CYP7B1: variants seen among roughly 807,000 people sequenced by gnomAD.
The protein encoded by CYP7B1 is cytochrome P450 family 7 subfamily B member 1.
A neutral mutation model predicts 42.7 loss-of-function variants in CYP7B1; 29 were observed. The ratio of observed to expected loss-of-function variants is 0.68; its 90% CI spans 0.51 to 0.93. The LOEUF is 0.93. CYP7B1 is among the 40% of genes least tolerant of loss of function. CYP7B1 has a pLI of 0.00. For synonymous variants in CYP7B1, 235 were observed against 218.2 expected (o/e 1.08, Z -0.68); for missense variants, 655 against 600.5 (o/e 1.09, Z -0.95).
chr8:64,593,366 A>G lies in CYP7B1; in HGVS notation c.*3276T>C, dbSNP rs1245792348. ...GTGAACTAGAAAGAAACTGTGCTCC[A>G]CAGAGCAAAACTGTCAGTATATTTG... On this transcript the variant is annotated 3_prime_UTR_variant, in exon 6 of 6. Coordinates refer to ENST00000310193, the MANE Select transcript of CYP7B1 (RefSeq NM_004820.5). Among the ~76,000 whole-genome samples, 2 of 152,042 alleles carry G rather than the reference A, an allele frequency of 1.3e-5. No individual in the cohort carries two copies. The highest frequency in any genetic ancestry group is 4.8e-5 in the African/African-American group (2 of 41,390).
chr8:64,791,964 A>G (rs976674083), intron 1 of CYP7B1, among the ~76,000 whole-genome samples: 8 of 152,240 alleles, frequency 5.3e-5, no homozygotes, highest in Admixed American at 4.6e-4. Flanking sequence ...GGTATGGTAA[A>G]GAACATATCT....
chr8:64,781,954 G>A (rs1350858888), intron 1 of CYP7B1, among the ~76,000 whole-genome samples: 2 of 152,112 alleles, frequency 1.3e-5, no homozygotes, highest in Non-Finnish European at 2.9e-5. Flanking sequence ...TCTTGAACAT[G>A]AGTGAGGATA....
Position 64,762,578 on chromosome 8 carries a change from A to G in CYP7B1, c.122+35888T>C, listed in dbSNP as rs79505450. Among the ~76,000 whole-genome samples, 179 of 152,364 alleles carry G rather than the reference A, an allele frequency of 1.2e-3. 4 individuals are homozygous for G. The East Asian group carries it at 0.031, about 26-fold the overall frequency. On this transcript the variant is annotated intron_variant, in intron 1 of 5. Coordinates refer to ENST00000310193, the MANE Select transcript of CYP7B1 (RefSeq NM_004820.5). ...ATAATGCATTTGAAAACGTGGTTTCATAATGCAATGACCTGGGGCTACCAA... is the reference window on the plus strand; with the variant it reads ...ATAATGCATTTGAAAACGTGGTTTCGTAATGCAATGACCTGGGGCTACCAA...
chr8:64,696,718 T>C (rs1429536269), intron 1 of CYP7B1, among the ~76,000 whole-genome samples: 2 of 152,236 alleles, frequency 1.3e-5, no homozygotes, highest in Non-Finnish European at 2.9e-5. Context: ...CTTTGTGTCA[T>C]ATTGCTTACT....
chr8:64,659,775 C>T (rs1383167228), intron 1 of CYP7B1, among the ~76,000 whole-genome samples: 1 of 152,134 alleles, frequency 6.6e-6, no homozygotes, highest in Non-Finnish European at 1.5e-5. Context: ...AGAACAAACT[C>T]TGAGTTTCTG....
At chr8:64,769,548 G>A (rs999819964) in intron 1 of CYP7B1, among the ~76,000 whole-genome samples, 16 of 151,842 alleles carry the variant, frequency 1.1e-4, no homozygotes, top group East Asian at 5.8e-4. Flanking sequence ...TTTTTACCCC[G>A]TCCTAAGCCT....
At chr8:64,640,838 G>A (rs1487758182) in intron 1 of CYP7B1, among the ~76,000 whole-genome samples, 1 of 152,116 alleles carries the variant, frequency 6.6e-6, no homozygotes, top group African/African-American at 2.4e-5. Flanking sequence ...TCTGAAATCA[G>A]GTTTTTCTCT....
chr8:64,724,985 A>T (rs1420003232), intron 1 of CYP7B1, among the ~76,000 whole-genome samples: 1 of 152,196 alleles, frequency 6.6e-6, no homozygotes, highest in Non-Finnish European at 1.5e-5. Flanking sequence ...ACGTCATAAG[A>T]CCCTCATTCC....
intron 1 of CYP7B1, among the ~76,000 whole-genome samples, chr8:64,645,797 A>G (rs898284036): frequency 6.6e-6 from 1 of 152,176 alleles, no homozygotes; most frequent in Non-Finnish European, 1.5e-5. Context: ...ACTTCAAACT[A>G]TACTACAAGG....
intron 1 of CYP7B1, chr8:64,732,706 T>C (rs1357961222): frequency 6.6e-6 from 1 of 152,202 alleles, no homozygotes; most frequent in African/African-American, 2.4e-5. Flanking sequence ...CATCTTGATT[T>C]GTAATCCCAA....
chr8:64,792,085 T>C (rs941077647), intron 1 of CYP7B1, among the ~76,000 whole-genome samples: 1 of 152,080 alleles, frequency 6.6e-6, no homozygotes, highest in Non-Finnish European at 1.5e-5. Flanking sequence ...TATTGGAAAA[T>C]GGAGTAAAAG....
intron 1 of CYP7B1, among the ~76,000 whole-genome samples, chr8:64,744,988 T>C (rs746917132): frequency 2.5e-4 from 38 of 152,212 alleles, no homozygotes; most frequent in Non-Finnish European, 5.1e-4. Flanking sequence ...CAAATAATTA[T>C]TAAATATAAA....
intron 1 of CYP7B1, among the ~76,000 whole-genome samples, chr8:64,687,697 A>T (rs1012367071): frequency 6.6e-6 from 1 of 152,242 alleles, no homozygotes; most frequent in Non-Finnish European, 1.5e-5. Flanking sequence ...AATTATGTAA[A>T]CCTCAAAAAT....
intron 1 of CYP7B1, among the ~76,000 whole-genome samples, chr8:64,660,432 A>G (rs986589094): frequency 1.3e-5 from 2 of 152,220 alleles, no homozygotes; most frequent in African/African-American, 4.8e-5. Context: ...AGTATACACA[A>G]TGAATGAAAT....
At chr8:64,754,432 C>G (rs999802645) in intron 1 of CYP7B1, among the ~76,000 whole-genome samples, 7 of 152,128 alleles carry the variant, frequency 4.6e-5, no homozygotes, top group African/African-American at 1.4e-4. Flanking sequence ...CTTGCCCTAA[C>G]AGTAAGTTGA....
In CYP7B1 at chr8:64,763,194, G is replaced by T. The variant is rs368812123; in HGVS notation, c.122+35272C>A. 4.6e-5 allele frequency among the ~76,000 whole-genome samples: 7 copies of T among 152,292 alleles called. No homozygotes were observed. The East Asian group carries it at 1.4e-3, about 29-fold the overall frequency. On this transcript the variant is annotated intron_variant, in intron 1 of 5. Transcript: ENST00000310193. ...AAGGCGCCCATTGCTGCTCCTGATCGGGCTAAAGGCTCGCCATTGTTCCTG... is the reference window on the plus strand; with the variant it reads ...AAGGCGCCCATTGCTGCTCCTGATCTGGCTAAAGGCTCGCCATTGTTCCTG...
chr8:64,764,469 A>G (rs774032445), intron 1 of CYP7B1, among the ~76,000 whole-genome samples: 2 of 152,188 alleles, frequency 1.3e-5, no homozygotes, highest in African/African-American at 2.4e-5. Flanking sequence ...AGAAAAAACA[A>G]TGTGCCCTAT....
chr8:64,776,568 A>G (rs72656485), intron 1 of CYP7B1, among the ~76,000 whole-genome samples: 16,529 of 152,168 alleles, frequency 0.11, 1,158 homozygotes, highest in Non-Finnish European at 0.16. Flanking sequence ...GTTCCTTTTT[A>G]TAAGAAACTA....
intron 1 of CYP7B1, among the ~76,000 whole-genome samples, chr8:64,706,956 T>C (rs774828225): frequency 5.3e-5 from 8 of 151,996 alleles, no homozygotes; most frequent in South Asian, 2.1e-4. Context: ...GTCGTAACAA[T>C]TGAGCAATTC....
Sources: allele counts gnomAD v4.1 joint callset (sites outside exome capture counted in the v4.1 genomes callset), GRCh38; gene constraint gnomAD v4.1.1; transcripts MANE v1.5; gene names NCBI Gene and HGNC (gene_info 2026-07-23, HGNC 2026-07-21).